Variants in C20orf203 observed in about 807,000 individuals in gnomAD.
C20orf203 encodes chromosome 20 open reading frame 203.
A neutral mutation model predicts 15.9 loss-of-function variants in C20orf203; 16 were observed. The observed-to-expected ratio is 1.01, with a 90% CI of 0.68 to 1.53. C20orf203 has a LOEUF of 1.53. Among genes scored for constraint, C20orf203 ranks in the 40% most tolerant of loss-of-function variants. The pLI is 0.00. For missense variants in C20orf203, 263 were observed against 247.5 expected (o/e 1.06, Z -0.42); for synonymous variants, 98 against 97.2 (o/e 1.01, Z -0.05).
chr20:32,673,442 C>T (rs540886632), intron 1 of C20orf203, among the ~76,000 whole-genome samples, 190 bp downstream of exon 1: 1 of 152,268 alleles, frequency 6.6e-6, no homozygotes, highest in African/African-American at 2.4e-5. Context: ...ATTCGGGGAG[C>T]CTCACCGCAG....
intron 1 of C20orf203, among the ~76,000 whole-genome samples, chr20:32,672,955 C>T (rs775562185): frequency 2.6e-5 from 4 of 152,130 alleles, no homozygotes; most frequent in Non-Finnish European, 5.9e-5. Flanking sequence ...AGGCACTAGA[C>T]TCGGGCTTTG....
chr20:32,651,341 C>T (rs930200256), intron 2 of C20orf203, among the ~76,000 whole-genome samples, 175 bp from the exon 3 acceptor site: 1 of 131,254 alleles, frequency 7.6e-6, no homozygotes, highest in African/African-American at 2.7e-5. Flanking sequence ...AGAGCGAAAC[C>T]CTATTCAAAA....
At chr20:32,637,904 CTGTG>C (rs747762121) in intron 5 of C20orf203, among the ~76,000 whole-genome samples, 17 of 151,500 alleles carry the variant, frequency 1.1e-4, no homozygotes, top group Admixed American at 3.9e-4. Context: ...GTGCATGTGC[CTGTG>C]TGTGTGCCTG....
intron 1 of C20orf203, among the ~76,000 whole-genome samples, chr20:32,668,809 T>G (rs533302942): frequency 6.6e-6 from 1 of 152,072 alleles, no homozygotes; most frequent in East Asian, 1.9e-4. Flanking sequence ...AGAGTAAGGC[T>G]CCGTCTCTAA....
At chr20:32,639,464 T>C (rs1428129549) in intron 5 of C20orf203, among the ~76,000 whole-genome samples, 3 of 152,026 alleles carry the variant, frequency 2.0e-5, no homozygotes, top group Non-Finnish European at 4.4e-5. Context: ...AGTTTCCTCA[T>C]CTGTAATATG....
chr20:32,670,878 A>G (rs1470234990), intron 1 of C20orf203, among the ~76,000 whole-genome samples: 1 of 152,178 alleles, frequency 6.6e-6, no homozygotes. Flanking sequence ...GGACTTGAAT[A>G]GGCATCCCTC....
At chr20:32,666,709 G>A (rs1302360153) in intron 1 of C20orf203, among the ~76,000 whole-genome samples, 1 of 144,090 alleles carries the variant, frequency 6.9e-6, no homozygotes, top group African/African-American at 2.6e-5. Context: ...GTTGCAGTGA[G>A]CCAAGACTGT....
intron 1 of C20orf203, chr20:32,657,971 A>G (rs1310421273): frequency 2.2e-5 from 2 of 89,046 alleles, no homozygotes; most frequent in Non-Finnish European, 5.7e-5. Context: ...CCCCAAACCT[A>G]AAAAAAAAAA....
At chr20:32,667,593 C>G (rs997180702) in intron 1 of C20orf203, among the ~76,000 whole-genome samples, 1 of 152,216 alleles carries the variant, frequency 6.6e-6, no homozygotes, top group Non-Finnish European at 1.5e-5. Context: ...AGAACCCAAC[C>G]AGAATAATTT....
At chr20:32,637,979 T>C (rs1982184241) in intron 5 of C20orf203, among the ~76,000 whole-genome samples, 1 of 146,196 alleles carries the variant, frequency 6.8e-6, no homozygotes, top group Non-Finnish European at 1.6e-5. Context: ...TCTGTGCGTG[T>C]GTGTGCATTG....
chr20:32,644,322 C>T (rs933131089), intron 4 of C20orf203, among the ~76,000 whole-genome samples: 4 of 152,126 alleles, frequency 2.6e-5, no homozygotes, highest in African/African-American at 9.7e-5. Context: ...GTGGCGTACA[C>T]CTGTAGTCCC....
rs2145657325 is a variant in C20orf203, at chr20:32,633,626, A to G, written c.*1944T>C. 5.5e-6 allele frequency: 1 copy of G among 182,744 alleles called. No homozygotes were observed. Among genetic ancestry groups the G allele is most frequent in the Middle Eastern group, 2.1e-3 (1 of 486 alleles). 11.3% of individuals were successfully genotyped at this position (182,744 alleles called of 1,614,324 possible). The stretch of plus-strand genomic sequence containing the variant: ...TTATTATCCTCATTTTATGGGAAAA[A>G]CTGAGGCACAAAGAAGCTGTCCCTG... On this transcript the variant is annotated 3_prime_UTR_variant, in exon 6 of 6. Transcript: ENST00000608990.
intron 5 of C20orf203, among the ~76,000 whole-genome samples, chr20:32,636,441 C>A (rs1982140589): frequency 1.3e-5 from 2 of 152,200 alleles, no homozygotes; most frequent in South Asian, 2.1e-4. Flanking sequence ...CGCTGCTCCC[C>A]TCTGCCTTTG....
chr20:32,660,882 C>G (rs937993408), intron 1 of C20orf203, among the ~76,000 whole-genome samples: 2 of 115,354 alleles, frequency 1.7e-5, no homozygotes, highest in Non-Finnish European at 4.0e-5. Flanking sequence ...GCGGGGAAAG[C>G]CCCTTATAAA....
intron 1 of C20orf203, among the ~76,000 whole-genome samples, chr20:32,665,728 G>C (rs1983003148): frequency 6.6e-6 from 1 of 152,180 alleles, no homozygotes; most frequent in African/African-American, 2.4e-5. Context: ...CACTTTGGGA[G>C]GCCAAGGAGG....
chr20:32,636,187 G>A (rs1982133898), intron 5 of C20orf203, among the ~76,000 whole-genome samples: 1 of 152,114 alleles, frequency 6.6e-6, no homozygotes, highest in African/African-American at 2.4e-5. Context: ...CTTCCCCAGG[G>A]GCTTTATAGG....
At chr20:32,665,245 A>C (rs1252808796) in intron 1 of C20orf203, among the ~76,000 whole-genome samples, 1 of 152,198 alleles carries the variant, frequency 6.6e-6, no homozygotes, top group East Asian at 1.9e-4. Context: ...AAGTAGCAGC[A>C]GATGGGGCCC....
rs56325748 is a variant in C20orf203 at position 32,643,625 on chromosome 20, C to CCACACA, written c.*1178-2944_*1178-2939dup. On this transcript the variant is annotated intron_variant, in intron 4 of 5. Transcript: ENST00000608990. ...GTGTAGACCCAGCCGCTTCCTGGAA[C>CCACACA]CACACACACACACACACACACACAC... is the stretch of plus-strand genomic sequence containing the variant. Among the ~76,000 whole-genome samples the CCACACA allele has an allele frequency of 1.2e-3, 169 of 140,848 alleles. 2 individuals carry two copies. Among genetic ancestry groups the CCACACA allele is most frequent in the East Asian group, 8.9e-3 (40 of 4,474 alleles). The allele number at this position is 140,848 out of a possible 152,430, so 92.4% of individuals were successfully genotyped here.
chr20:32,646,626 A>T (rs1982441200), intron 4 of C20orf203, among the ~76,000 whole-genome samples: 1 of 152,234 alleles, frequency 6.6e-6, no homozygotes, highest in African/African-American at 2.4e-5. Context: ...AGAAGGAAAC[A>T]CAAGGAATAG....
Sources: allele counts gnomAD v4.1 joint callset (sites outside exome capture counted in the v4.1 genomes callset), GRCh38; gene constraint gnomAD v4.1.1; transcripts MANE v1.5; gene names NCBI Gene and HGNC (gene_info 2026-07-23, HGNC 2026-07-21).